Variants in TM9SF3 observed in about 807,000 individuals in gnomAD.
TM9SF3 encodes the protein transmembrane 9 superfamily member 3.
TM9SF3 carries 14 observed loss-of-function variants against 78.6 expected under a neutral mutation model. That is an observed-to-expected ratio of 0.18 (90% confidence interval 0.12 to 0.28). The LOEUF is 0.28. Among genes scored for constraint, TM9SF3 ranks in the 10% least tolerant of loss-of-function variants. The probability of loss-of-function intolerance (pLI) is 1.00; values close to 1 mark genes in which losing one functional copy is unlikely to be tolerated. For missense variants in TM9SF3, 496 were observed against 721.9 expected (o/e 0.69, Z 3.59); for synonymous variants, 231 against 241.7 (o/e 0.96, Z 0.41).
At chr10:96,570,503 G>A (rs11188833) in intron 2 of TM9SF3, among the ~76,000 whole-genome samples, 29,547 of 152,044 alleles carry the variant, frequency 0.19, 3,136 homozygotes, top group Admixed American at 0.3. Flanking sequence ...TTAGTACAAG[G>A]TATAAGAAAT....
At position 96,586,960 on chromosome 10, in the gene TM9SF3, C is replaced by G. The variant is rs1848642333; in HGVS notation, c.-125G>C. 1 of 748,152 alleles carries G rather than the reference C, an allele frequency of 1.3e-6. No individual in the cohort carries two copies. The highest frequency in any genetic ancestry group is 1.7e-6 in the Non-Finnish European group (1 of 579,046). 46.3% of individuals were successfully genotyped at this position (748,152 alleles called of 1,614,324 possible). A position where few individuals can be genotyped will look rare whatever the true frequency, so the allele number is the denominator to read the frequency against. On this transcript the variant is annotated 5_prime_UTR_variant, in exon 1 of 15. Transcript: ENST00000371142. ...GGGGCGCGGACAGACGCACGGGGCC[C>G]GGCCCAGCCGCTGCCTCCTCTGCCG...
chr10:96,572,643 C>T (rs933334387), intron 2 of TM9SF3, among the ~76,000 whole-genome samples: 4 of 151,552 alleles, frequency 2.6e-5, no homozygotes, highest in Non-Finnish European at 5.9e-5. Context: ...TCTCCTGCCT[C>T]AGCCTCCCGA....
Position 96,522,143 on chromosome 10 carries a change from C to G in TM9SF3, c.*120G>C, listed in dbSNP as rs1407924904. Reference sequence around the variant, plus strand: ...CTTTAAGCCACCGACGAAAGAGAGACCCACAAAGTACCCAGTGTGTTAAAG... The same window carrying G: ...CTTTAAGCCACCGACGAAAGAGAGAGCCACAAAGTACCCAGTGTGTTAAAG... On this transcript the variant is annotated 3_prime_UTR_variant, in exon 15 of 15. Coordinates refer to ENST00000371142, the MANE Select transcript of TM9SF3 (RefSeq NM_020123.4). The G allele has an allele frequency of 5.1e-6, 4 of 784,762 alleles. No individual in the cohort carries two copies. The Admixed American group carries it at 1.1e-4, about 22-fold the overall frequency. 48.6% of individuals were successfully genotyped at this position (784,762 alleles called of 1,614,324 possible).
At chr10:96,535,070 G>A (rs1847940790) in intron 9 of TM9SF3, among the ~76,000 whole-genome samples, 1 of 152,166 alleles carries the variant, frequency 6.6e-6, no homozygotes, top group Non-Finnish European at 1.5e-5. Context: ...TTGAGTGGCA[G>A]CTGAAGTGAG....
chr10:96,546,562 A>G (rs1211553269), intron 8 of TM9SF3, among the ~76,000 whole-genome samples: 1 of 152,116 alleles, frequency 6.6e-6, no homozygotes, highest in Non-Finnish European at 1.5e-5. Flanking sequence ...ATGTGTCCTT[A>G]TTTCCTTAGG....
chr10:96,546,098 T>A (rs971658677), intron 8 of TM9SF3, among the ~76,000 whole-genome samples: 3 of 152,174 alleles, frequency 2.0e-5, no homozygotes. Context: ...TCAAACTAGA[T>A]CTACAGCATT....
Position 96,573,233 on chromosome 10 carries a change from C to T in TM9SF3, c.298+3401G>A, listed in dbSNP as rs150741319. Among the ~76,000 whole-genome samples the T allele has an allele frequency of 9.4e-3, 1,433 of 152,250 alleles. 6 individuals carry two copies. The highest frequency in any genetic ancestry group is 0.031 in the Middle Eastern group (9 of 294). On this transcript the variant is annotated intron_variant, in intron 2 of 14. Coordinates refer to ENST00000371142, the MANE Select transcript of TM9SF3 (RefSeq NM_020123.4). ...TCCAGTTTCTATTATTAGTATGCTACGATACACCATGGATAAATCACTTTA... is the reference window on the plus strand; with the variant it reads ...TCCAGTTTCTATTATTAGTATGCTATGATACACCATGGATAAATCACTTTA...
At position 96,551,322 on chromosome 10, in the gene TM9SF3, C is replaced by T. The variant is rs758974796; in HGVS notation, c.882G>A (p.Leu294=). Residue 294 remains leucine (L), a synonymous_variant, in exon 7 of 15, where the codon CTG becomes CTA. Transcript: ENST00000371142. ...PSSHPLIFSS[L]IGSGCQIFAV... ...CAAATATCTGACATCCAGAACCAATCAGAGAGGAAAATATCAGTGGGTGAC... is the reference window on the plus strand; with the variant it reads ...CAAATATCTGACATCCAGAACCAATTAGAGAGGAAAATATCAGTGGGTGAC... 1 of 1,613,040 alleles carries T rather than the reference C, an allele frequency of 6.2e-7. No individual in the cohort carries two copies. Among genetic ancestry groups the T allele is most frequent in the Non-Finnish European group, 8.5e-7 (1 of 1,179,608 alleles).
Position 96,568,333 on chromosome 10 carries a change from G to C in TM9SF3, c.299-2907C>G, listed in dbSNP as rs567453342. The stretch of plus-strand genomic sequence containing the variant: ...AAATCAGTGCTTTAAAATTATAATA[G>C]GCTATATCTTTCGAAGGTGAAACAC... On this transcript the variant is annotated intron_variant, in intron 2 of 14. Coordinates refer to ENST00000371142, the MANE Select transcript of TM9SF3 (RefSeq NM_020123.4). Among the ~76,000 whole-genome samples, 38 of 152,234 alleles carry C rather than the reference G, an allele frequency of 2.5e-4. No homozygotes were observed. The East Asian group carries it at 7.3e-3, about 29-fold the overall frequency.
At chr10:96,548,085 C>G in intron 7 of TM9SF3, 96 bp from the exon 8 acceptor site, 1 of 733,952 alleles carries the variant, frequency 1.4e-6, no homozygotes, top group Non-Finnish European at 2.1e-6. Flanking sequence ...TCAAAGATAA[C>G]TTTAACAGAA....
At chr10:96,555,674 A>G (rs1268940321) in intron 5 of TM9SF3, among the ~76,000 whole-genome samples, 1 of 152,150 alleles carries the variant, frequency 6.6e-6, no homozygotes, top group East Asian at 1.9e-4. Context: ...TTCATTCAAC[A>G]ATTTATTTAT....
rs201110830 is a variant in TM9SF3 at position 96,557,270 on chromosome 10, C to A, written c.660+2389G>T. On this transcript the variant is annotated intron_variant, in intron 5 of 14. Transcript: ENST00000371142. ...CAGACACACCAAAACGAACATGTCC[C>A]AAACTGTACCCTAATCTTCCCCTCT... is the stretch of plus-strand genomic sequence containing the variant. 2.0e-5 allele frequency among the ~76,000 whole-genome samples: 3 copies of A among 152,236 alleles called. No individual in the cohort carries two copies. In the East Asian group the frequency reaches 5.8e-4, roughly 29 times the overall value.
At chr10:96,566,163 AAAG>A (rs770235215) in intron 2 of TM9SF3, among the ~76,000 whole-genome samples, 2 of 152,230 alleles carry the variant, frequency 1.3e-5, no homozygotes, top group Non-Finnish European at 2.9e-5. Flanking sequence ...ATGTCAATCA[AAAG>A]AAGTTGTTTT....
At chr10:96,565,952 C>T (rs1177315196) in intron 2 of TM9SF3, among the ~76,000 whole-genome samples, 2 of 152,134 alleles carry the variant, frequency 1.3e-5, no homozygotes, top group Admixed American at 6.5e-5. Context: ...AAAAGGCAAA[C>T]CTCTATTCAG....
Position 96,518,159 on chromosome 10 carries a change from A to ACACAC in TM9SF3, c.*4099_*4103dup, listed in dbSNP as rs1017846658. On this transcript the variant is annotated 3_prime_UTR_variant, in exon 15 of 15. Transcript: ENST00000371142. ...TAAAAATCCAAATTCAGATAAATTA[A>ACACAC]CACACTAGGTTAGAACCTCAATTGT... 5 of 152,228 alleles carry ACACAC rather than the reference A, an allele frequency of 3.3e-5. No homozygotes were observed. Among genetic ancestry groups the ACACAC allele is most frequent in the African/African-American group, 1.2e-4 (5 of 41,468 alleles). The allele number at this position is 152,228 out of a possible 1,614,324, so 9.4% of individuals were successfully genotyped here. A position where few individuals can be genotyped will look rare whatever the true frequency, so the allele number is the denominator to read the frequency against.
In TM9SF3 at chr10:96,559,370, G is replaced by A. The variant is rs117755322; in HGVS notation, c.660+289C>T. On this transcript the variant is annotated intron_variant, in intron 5 of 14. Coordinates refer to ENST00000371142, the MANE Select transcript of TM9SF3 (RefSeq NM_020123.4). ...GCCAATGCGCTATTCATTGTGCAAC[G>A]CAGCCATCTAATATTCACCTTATTA... 4.7e-3 allele frequency among the ~76,000 whole-genome samples: 718 copies of A among 152,226 alleles called. 5 individuals carry two copies. The highest frequency in any genetic ancestry group is 7.0e-3 in the Non-Finnish European group (478 of 68,016).
At chr10:96,581,553 G>A (rs1848569806) in intron 1 of TM9SF3, among the ~76,000 whole-genome samples, 1 of 152,080 alleles carries the variant, frequency 6.6e-6, no homozygotes, top group Admixed American at 6.5e-5. Context: ...CTCAAAAATA[G>A]CTTTGTACCT....
chr10:96,558,538 C>A (rs1207450019), intron 5 of TM9SF3, among the ~76,000 whole-genome samples: 1 of 151,252 alleles, frequency 6.6e-6, no homozygotes, highest in South Asian at 2.1e-4. Context: ...CCCAGCTACT[C>A]GGGAGGCTGA....
chr10:96,571,583 G>A (rs1848437165), intron 2 of TM9SF3, among the ~76,000 whole-genome samples: 1 of 152,190 alleles, frequency 6.6e-6, no homozygotes, highest in Admixed American at 6.5e-5. Flanking sequence ...ACCGCATGGT[G>A]AAGATAAGAA....
Sources: allele counts gnomAD v4.1 joint callset (sites outside exome capture counted in the v4.1 genomes callset), GRCh38; gene constraint gnomAD v4.1.1; transcripts MANE v1.5; gene names NCBI Gene and HGNC (gene_info 2026-07-23, HGNC 2026-07-21).